Variants in PDSS1 observed in about 807,000 individuals in gnomAD.
The protein encoded by PDSS1 is decaprenyl diphosphate synthase subunit 1.
A neutral mutation model predicts 57.5 loss-of-function variants in PDSS1; 43 were observed. The ratio of observed to expected loss-of-function variants is 0.75; its 90% CI spans 0.59 to 0.96. The LOEUF is 0.96. Ranked by LOEUF, PDSS1 falls within the 50% of genes least tolerant of loss-of-function variation. The pLI, the probability that PDSS1 is intolerant of heterozygous loss-of-function variation, is 0.00. For missense variants in PDSS1, 438 were observed against 527.8 expected (o/e 0.83, Z 1.67); for synonymous variants, 175 against 191.3 (o/e 0.91, Z 0.70).
chr10:26,730,701 T>G (rs1011850520), intron 8 of PDSS1, among the ~76,000 whole-genome samples: 2 of 152,164 alleles, frequency 1.3e-5, no homozygotes, highest in African/African-American at 4.8e-5. Context: ...TTGCCCTGTT[T>G]TCTTCCCCTA....
In PDSS1 at chr10:26,712,645, G is replaced by T. The variant is rs1318945059; in HGVS notation, c.467+2877G>T. Among the ~76,000 whole-genome samples the T allele has an allele frequency of 7.0e-5, 7 of 99,294 alleles. 3 individuals are homozygous for T. Among genetic ancestry groups the T allele is most frequent in the Non-Finnish European group, 1.6e-4 (7 of 42,642 alleles). The allele number at this position is 99,294 out of a possible 152,430, so 65.1% of individuals were successfully genotyped here. On this transcript the variant is annotated intron_variant, in intron 5 of 11. Coordinates refer to ENST00000376215, the MANE Select transcript of PDSS1 (RefSeq NM_014317.5). ...ATCGGGCACTTAAAGGACTAAATAT[G>T]TAGGTATTATTTCCATGCCACTTAA...
chr10:26,733,702 C>G (rs1273233375), intron 8 of PDSS1, among the ~76,000 whole-genome samples: 1 of 152,006 alleles, frequency 6.6e-6, no homozygotes, highest in Non-Finnish European at 1.5e-5. Flanking sequence ...CAGCCAGGTG[C>G]GGTGGCTCAC....
chr10:26,720,709 G>A (rs1835753650), intron 6 of PDSS1, among the ~76,000 whole-genome samples: 1 of 152,052 alleles, frequency 6.6e-6, no homozygotes, highest in African/African-American at 2.4e-5. Flanking sequence ...GTATAATTGA[G>A]TGCTGCATAT....
intron 6 of PDSS1, among the ~76,000 whole-genome samples, chr10:26,722,701 CTCA>C (rs1835827573): frequency 7.0e-6 from 1 of 143,082 alleles, no homozygotes; most frequent in African/African-American, 2.7e-5. Context: ...AAGACTCTTT[CTCA>C]AAAAAAAAAA....
chr10:26,719,254 G>T (rs1264404676), intron 5 of PDSS1, among the ~76,000 whole-genome samples: 1 of 152,206 alleles, frequency 6.6e-6, no homozygotes, highest in Non-Finnish European at 1.5e-5. Context: ...TGCCATAGAT[G>T]ATGGTGGTAA....
At position 26,724,094 on chromosome 10, in the gene PDSS1, G is replaced by A. The variant is rs767397399; in HGVS notation, c.802G>A (p.Ala268Thr). The change falls in exon 8 of 12, where the codon GCC becomes ACC. Residue 268 changes from alanine to threonine, a missense_variant. Transcript: ENST00000376215. ...CCTTGAGAAGACATTCAAGAAGACC[G>A]CCAGCCTGATAGCCAACAGTTGTAA... Reference protein sequence around the residue: ...HYLEKTFKKTASLIANSCKAV... With the variant: ...HYLEKTFKKTTSLIANSCKAV... 9 of 1,612,738 alleles carry A rather than the reference G, an allele frequency of 5.6e-6. No homozygotes were observed. Among genetic ancestry groups the A allele is most frequent in the South Asian group, 4.4e-5 (4 of 91,068 alleles).
intron 5 of PDSS1, among the ~76,000 whole-genome samples, chr10:26,716,607 A>C (rs181286408): frequency 1.3e-5 from 2 of 152,146 alleles, no homozygotes; most frequent in East Asian, 1.9e-4. Context: ...CAGAAGAATC[A>C]CTAAAACAAG....
At chr10:26,723,138 A>G (rs1321565593) in intron 6 of PDSS1, among the ~76,000 whole-genome samples, 1 of 152,104 alleles carries the variant, frequency 6.6e-6, no homozygotes, top group African/African-American at 2.4e-5. Context: ...GCAAGGTGTG[A>G]TGGTCGCAGC....
At chr10:26,704,967 T>A (rs1160174053) in intron 3 of PDSS1, among the ~76,000 whole-genome samples, 1 of 152,090 alleles carries the variant, frequency 6.6e-6, no homozygotes, top group Non-Finnish European at 1.5e-5. Context: ...AAATTTCTAT[T>A]CTAAATTGTA....
At chr10:26,708,581 G>A (rs992865114) in intron 4 of PDSS1, among the ~76,000 whole-genome samples, 1 of 152,016 alleles carries the variant, frequency 6.6e-6, no homozygotes, top group Non-Finnish European at 1.5e-5. Context: ...CTTGTAATCC[G>A]GCAGCCCATG....
At chr10:26,732,853 G>A (rs1836260497) in intron 8 of PDSS1, among the ~76,000 whole-genome samples, 1 of 152,152 alleles carries the variant, frequency 6.6e-6, no homozygotes, top group Non-Finnish European at 1.5e-5. Context: ...GGGCACGGTG[G>A]CTCACGCCTG....
intron 8 of PDSS1, chr10:26,734,807 A>C (rs1836334615): frequency 2.2e-6 from 1 of 456,172 alleles, no homozygotes; most frequent in Admixed American, 2.4e-5. Context: ...TCCTGAAATG[A>C]GGGATACATT....
At chr10:26,700,474 G>A (rs935242385) in intron 1 of PDSS1, among the ~76,000 whole-genome samples, 7 of 152,148 alleles carry the variant, frequency 4.6e-5, no homozygotes, top group Admixed American at 3.9e-4. Context: ...CATCTATCTC[G>A]AATTGTAATC....
intron 6 of PDSS1, 32 bp downstream of exon 6, chr10:26,720,391 T>A (rs1397082050): frequency 2.1e-6 from 3 of 1,418,888 alleles, no homozygotes; most frequent in Non-Finnish European, 3.0e-6. Context: ...AAAATCTCTC[T>A]TACTGAATCA....
At chr10:26,708,194 TAA>T (rs1003024162) in intron 4 of PDSS1, among the ~76,000 whole-genome samples, 7 of 152,370 alleles carry the variant, frequency 4.6e-5, no homozygotes, top group Admixed American at 3.3e-4. Context: ...TGCCTGGCAC[TAA>T]GTCGGTAATT....
At chr10:26,734,598 G>T (rs1331072467) in intron 8 of PDSS1, 1 of 443,596 alleles carries the variant, frequency 2.3e-6, no homozygotes, top group African/African-American at 2.0e-5. Flanking sequence ...TCTTTTGAGA[G>T]AAATGTGGAA....
chr10:26,705,374 C>A lies in PDSS1; in HGVS notation c.316C>A (p.Leu106Met). 1 of 1,590,706 alleles carries A rather than the reference C, an allele frequency of 6.3e-7. No individual in the cohort carries two copies. The highest frequency in any genetic ancestry group is 8.6e-7 in the Non-Finnish European group (1 of 1,159,582). Reference sequence around the variant, plus strand: ...ACTCGGTTGGAGAGACTTGAAAGGTCTGTATGAGGACATTAGAAAGGTGAG... The same window carrying A: ...ACTCGGTTGGAGAGACTTGAAAGGTATGTATGAGGACATTAGAAAGGTGAG... Reference protein sequence around the residue: ...FKLGWRDLKGLYEDIRKELLI... With the variant: ...FKLGWRDLKGMYEDIRKELLI... The change falls in exon 4 of 12, where the codon CTG becomes ATG. Residue 106 changes from leucine (L) to methionine (M), a missense_variant. Leu to Met is a conservative substitution (Grantham distance 15). This residue lies in a region of PDSS1 where 284 missense variants were observed against 390.7 expected (regional missense o/e 0.73). Coordinates refer to ENST00000376215, the MANE Select transcript of PDSS1 (RefSeq NM_014317.5).
At chr10:26,726,050 G>A (rs1433410222) in intron 8 of PDSS1, among the ~76,000 whole-genome samples, 1 of 152,238 alleles carries the variant, frequency 6.6e-6, no homozygotes, top group East Asian at 1.9e-4. Flanking sequence ...CCAAATTGGA[G>A]CTAGCACAGA....
intron 5 of PDSS1, among the ~76,000 whole-genome samples, chr10:26,710,097 T>A (rs1835375367): frequency 6.8e-6 from 1 of 146,982 alleles, no homozygotes; most frequent in Admixed American, 6.9e-5. Flanking sequence ...GAGGTTGCAG[T>A]GAGCTGAGAT....
Sources: gnomAD v4.1 joint callset for allele counts (sites outside exome capture counted in the v4.1 genomes callset) on GRCh38, gnomAD v4.1.1 for gene constraint, gnomAD v4.1.1 regional missense constraint, MANE v1.5 for transcripts, NCBI Gene and HGNC (gene_info 2026-07-23, HGNC 2026-07-21) for gene names.